Variants in TULP4 observed in about 807,000 individuals in gnomAD.
TULP4 encodes TUB like protein 4, also known as tubby-related protein 4.
Under a neutral mutation model 129.0 loss-of-function variants are expected in TULP4, and 16 were observed. The ratio of observed to expected loss-of-function variants is 0.12; its 90% confidence interval spans 0.08 to 0.19. The LOEUF is 0.19. Ranked by LOEUF, TULP4 falls within the 10% of genes least tolerant of loss-of-function variation. The pLI is 1.00. For missense variants in TULP4, 1,842 were observed against 2,059.1 expected, an observed-to-expected ratio of 0.89 and a Z score of 2.04; for synonymous variants, 998 against 854.0, an observed-to-expected ratio of 1.17 and a Z score of -2.94.
At chr6:158,481,483 G>T in intron 8 of TULP4, 194 bp downstream of exon 8, 1 of 631,958 alleles carries the variant, frequency 1.6e-6, no homozygotes, top group Non-Finnish European at 2.8e-6. Context: ...CTTTTTGACA[G>T]GTTTTTAATC....
At chr6:158,337,257 A>C (rs1000216043) in intron 1 of TULP4, among the ~76,000 whole-genome samples, 26 of 147,076 alleles carry the variant, frequency 1.8e-4, no homozygotes, top group African/African-American at 5.6e-4. Flanking sequence ...ACTTCAGCTT[A>C]GTAGCTGGGC....
intron 1 of TULP4, among the ~76,000 whole-genome samples, chr6:158,385,338 C>T (rs2114927423): frequency 6.6e-6 from 1 of 152,318 alleles, no homozygotes; most frequent in South Asian, 2.1e-4. Context: ...GCAGTCAGGG[C>T]ATCCAGCGTG....
At chr6:158,308,972 C>T (rs1462463086), upstream of TULP4, among the ~76,000 whole-genome samples, 5 of 142,982 alleles carry the variant, frequency 3.5e-5, no homozygotes, top group African/African-American at 5.3e-5. Context: ...GGCGGCTGGC[C>T]GGGCAGGGGG....
At chr6:158,470,257 A>G (rs1316496717) in intron 6 of TULP4, among the ~76,000 whole-genome samples, 3 of 152,228 alleles carry the variant, frequency 2.0e-5, no homozygotes, top group Non-Finnish European at 4.4e-5. Context: ...GGCAAACAGC[A>G]GTGGTGGACA....
chr6:158,376,235 G>A (rs755725505), intron 1 of TULP4, among the ~76,000 whole-genome samples: 1 of 152,204 alleles, frequency 6.6e-6, no homozygotes, highest in Non-Finnish European at 1.5e-5. Flanking sequence ...TTCTGGATCA[G>A]GAACTTGGGA....
intron 4 of TULP4, among the ~76,000 whole-genome samples, chr6:158,451,879 C>G (rs879603622): frequency 1.3e-5 from 2 of 152,228 alleles, no homozygotes; most frequent in Admixed American, 6.5e-5. Context: ...CATATTCTCA[C>G]CACTCACCAA....
At chr6:158,461,492 A>G in intron 5 of TULP4, 71 bp from the exon 6 acceptor site, 1 of 1,444,106 alleles carries the variant, frequency 6.9e-7, no homozygotes, top group Non-Finnish European at 9.5e-7. Context: ...ACTACTGAAG[A>G]CAGTAGGCTT....
chr6:158,232,847 G>C (rs899082371), intron 1 of TULP4, among the ~76,000 whole-genome samples: 1 of 152,292 alleles, frequency 6.6e-6, no homozygotes, highest in Non-Finnish European at 1.5e-5. Context: ...GCCCCCGGGC[G>C]AGCCGGGTGA....
intron 1 of TULP4, among the ~76,000 whole-genome samples, chr6:158,391,782 T>C (rs1431187169): frequency 6.6e-6 from 1 of 152,192 alleles, no homozygotes; most frequent in Non-Finnish European, 1.5e-5. Flanking sequence ...TACAATAACT[T>C]TGTGTTGTTA....
In TULP4 at chr6:158,237,015, T is replaced by G. The variant is rs568878701; in HGVS notation, n.68+4712T>G. ...TAGTAGAGACAGGGTTTCACTGTGT[T>G]GGCCAGGCTGGTCTCAAACTCCAGA... On this transcript the variant is annotated intron_variant and non_coding_transcript_variant, in intron 1 of 1. Transcript: ENST00000620026. Among the ~76,000 whole-genome samples the G allele has an allele frequency of 1.2e-4, 18 of 151,934 alleles. No homozygotes were observed. The East Asian group carries it at 3.5e-3, about 29-fold the overall frequency.
At chr6:158,395,207 A>G (rs1456089375) in intron 1 of TULP4, among the ~76,000 whole-genome samples, 1 of 152,058 alleles carries the variant, frequency 6.6e-6, no homozygotes, top group Admixed American at 6.5e-5. Flanking sequence ...ATACCATCCC[A>G]TGTTTCCCTG....
intron 1 of TULP4, among the ~76,000 whole-genome samples, chr6:158,382,812 T>C (rs1358837778): frequency 6.6e-6 from 1 of 152,214 alleles, no homozygotes; most frequent in African/African-American, 2.4e-5. Flanking sequence ...ATGAGACTTG[T>C]AGATAGTTAA....
intron 1 of TULP4, among the ~76,000 whole-genome samples, chr6:158,236,795 C>CTTTTTCTTTTTTTTTTTTTT (rs1777713125): frequency 1.6e-5 from 1 of 63,292 alleles, no homozygotes; most frequent in Admixed American, 1.4e-4. Flanking sequence ...CAATTCTTTT[C>CTTTTTCTTTTTTTTTTTTTT]TTTTTTTTTT....
At chr6:158,356,539 G>A (rs577079531) in intron 1 of TULP4, among the ~76,000 whole-genome samples, 1 of 152,278 alleles carries the variant, frequency 6.6e-6, no homozygotes, top group South Asian at 2.1e-4. Context: ...ACTGATACTG[G>A]CATTCTTTCA....
intron 1 of TULP4, among the ~76,000 whole-genome samples, chr6:158,265,043 C>A (rs375732163): frequency 6.6e-6 from 1 of 152,310 alleles, no homozygotes; most frequent in East Asian, 1.9e-4. Context: ...CAGGGCACAC[C>A]TTTTAGCTCT....
In TULP4 at chr6:158,449,083, G is replaced by C. The variant is rs764504122; in HGVS notation, c.631G>C (p.Gly211Arg). 1 of 1,614,040 alleles carries C rather than the reference G, an allele frequency of 6.2e-7. No homozygotes were observed. ...CCACGTCCTCTTGCACGAGTCAGAC[G>C]GTGTCCTCGGCATGTCCTGGAACTA... is the stretch of plus-strand genomic sequence containing the variant. ...LAHVLLHESDGVLGMSWNYPI... is the reference protein window; with the variant it reads ...LAHVLLHESDRVLGMSWNYPI... The change falls in exon 4 of 14, where the codon GGT becomes CGT. Residue 211 changes from glycine to arginine, a missense_variant. Gly to Arg is a moderately radical substitution (Grantham distance 125). Transcript: ENST00000367097.
At chr6:158,302,625 C>T (rs1477964110) in intron 1 of TULP4, among the ~76,000 whole-genome samples, 1 of 152,130 alleles carries the variant, frequency 6.6e-6, no homozygotes, top group African/African-American at 2.4e-5. Flanking sequence ...TTCAGATTTT[C>T]ATTGTAGGGA....
intron 1 of TULP4, among the ~76,000 whole-genome samples, chr6:158,319,596 G>GA (rs1197922681): frequency 1.3e-5 from 2 of 152,046 alleles, no homozygotes; most frequent in African/African-American, 2.4e-5. Flanking sequence ...AATTAAAAAG[G>GA]AAAAAAATCT....
At chr6:158,250,992 T>C in intron 1 of TULP4, among the ~76,000 whole-genome samples, 1 of 152,176 alleles carries the variant, frequency 6.6e-6, no homozygotes, top group Non-Finnish European at 1.5e-5. Flanking sequence ...CTAGCAGAAT[T>C]GGTTTCGCTC....
Sources: allele counts gnomAD v4.1 joint callset (sites outside exome capture counted in the v4.1 genomes callset), GRCh38; gene constraint gnomAD v4.1.1; transcripts MANE v1.5; gene names NCBI Gene and HGNC (gene_info 2026-07-23, HGNC 2026-07-21).